Variants in ECT2 observed in about 807,000 individuals in gnomAD.
ECT2 encodes epithelial cell transforming 2, also known as protein ECT2.
A neutral mutation model predicts 116.9 loss-of-function variants in ECT2; 61 were observed. The ratio of observed to expected loss-of-function variants is 0.52; its 90% CI spans 0.42 to 0.65. The LOEUF (loss-of-function observed/expected upper bound fraction) is 0.65. ECT2 is among the 30% of genes least tolerant of loss of function. The pLI is 0.00. For synonymous variants in ECT2, 358 were observed against 346.4 expected (o/e 1.03, Z -0.37); for missense variants, 937 against 1,078.7 (o/e 0.87, Z 1.84).
At chr3:172,763,328 A>G (rs1012688607) in intron 11 of ECT2, among the ~76,000 whole-genome samples, 2 of 152,246 alleles carry the variant, frequency 1.3e-5, no homozygotes, top group African/African-American at 4.8e-5. Context: ...TCGCTCTGAG[A>G]GACTCAGGAG....
At chr3:172,816,066 C>T (rs1729661896) in intron 23 of ECT2, among the ~76,000 whole-genome samples, 1 of 152,072 alleles carries the variant, frequency 6.6e-6, no homozygotes, top group African/African-American at 2.4e-5. Flanking sequence ...ACTATCTATT[C>T]CTGACTCTAG....
chr3:172,756,961 C>A lies in ECT2; in HGVS notation c.304-22C>A, dbSNP rs780327113. The A allele has an allele frequency of 1.9e-6, 3 of 1,572,612 alleles. No individual in the cohort carries two copies. In the Admixed American group the frequency reaches 6.1e-5, roughly 32 times the overall value. ...TTTGATATATAAATAATTTTTATTTCTGCTAACTATATGATGAAAAGGACA... is the reference window on the plus strand; with the variant it reads ...TTTGATATATAAATAATTTTTATTTATGCTAACTATATGATGAAAAGGACA... On this transcript the variant is annotated intron_variant, in intron 4 of 24. Coordinates refer to ENST00000392692, the MANE Select transcript of ECT2 (RefSeq NM_001258315.2).
intron 15 of ECT2, among the ~76,000 whole-genome samples, chr3:172,783,443 G>A (rs1342779297): frequency 6.6e-6 from 1 of 151,686 alleles, no homozygotes; most frequent in African/African-American, 2.4e-5. Flanking sequence ...TTGGATTTTT[G>A]AATAAATACC....
chr3:172,762,639 GT>G (rs1462297502), intron 9 of ECT2, 51 bp from the exon 10 acceptor site: 28 of 1,580,566 alleles, frequency 1.8e-5, no homozygotes, highest in Non-Finnish European at 2.4e-5. Flanking sequence ...AAAAATTTGA[GT>G]TTGGAAATAA....
chr3:172,758,983 T>G lies in ECT2; in HGVS notation c.490T>G (p.Leu164Val). 6.2e-7 allele frequency: 1 copy of G among 1,608,752 alleles called. No individual in the cohort carries two copies. The highest frequency in any genetic ancestry group is 8.5e-7 in the Non-Finnish European group (1 of 1,178,222). Residue 164 changes from leucine (L) to valine (V), a missense_variant, in exon 6 of 25, where the codon TTG becomes GTG. Physicochemically the swap from Leu to Val is conservative, Grantham distance 32. Transcript: ENST00000392692. ...VLNCSQKGEP[L>V]PFSCRPLYCT... The stretch of plus-strand genomic sequence containing the variant: ...TTAAAATTGTTGTATCCTTCAGCCT[T>G]TGCCATTTTCATGTCGCCCGTTGTA...
At chr3:172,806,161 A>G (rs1448372959) in intron 21 of ECT2, 1 of 200,458 alleles carries the variant, frequency 5.0e-6, no homozygotes, top group African/African-American at 2.3e-5. Context: ...AGCCTAGCCT[A>G]TTGCCACACC....
downstream of ECT2, among the ~76,000 whole-genome samples, chr3:172,823,971 C>T (rs546284826): frequency 6.7e-6 from 1 of 148,344 alleles, no homozygotes; most frequent in Non-Finnish European, 1.5e-5. Context: ...ACTCTGTCTC[C>T]ACAGCTTCAT....
At chr3:172,776,300 C>T (rs759190036) in intron 14 of ECT2, among the ~76,000 whole-genome samples, 1 of 142,500 alleles carries the variant, frequency 7.0e-6, no homozygotes, top group Non-Finnish European at 1.5e-5. Context: ...GCAGGTTTGT[C>T]AAATATTTAA....
At chr3:172,784,961 G>C (rs1280855694) in intron 17 of ECT2, among the ~76,000 whole-genome samples, 158 bp downstream of exon 17, 1 of 152,016 alleles carries the variant, frequency 6.6e-6, no homozygotes, top group African/African-American at 2.4e-5. Flanking sequence ...ATAGTTACTG[G>C]TGCTACTAAA....
At chr3:172,770,059 G>T (rs1720315507) in intron 13 of ECT2, among the ~76,000 whole-genome samples, 1 of 152,270 alleles carries the variant, frequency 6.6e-6, no homozygotes, top group Non-Finnish European at 1.5e-5. Flanking sequence ...TTACTTGATG[G>T]TCATAGAGAA....
intron 1 of ECT2, among the ~76,000 whole-genome samples, chr3:172,751,918 G>A (rs1466514165): frequency 6.6e-6 from 1 of 152,068 alleles, no homozygotes; most frequent in Non-Finnish European, 1.5e-5. Flanking sequence ...TCAAGTTACC[G>A]TAGTGCATCT....
intron 18 of ECT2, among the ~76,000 whole-genome samples, chr3:172,788,095 T>A (rs1723933048): frequency 6.6e-6 from 1 of 152,200 alleles, no homozygotes; most frequent in Admixed American, 6.5e-5. Context: ...TAATGTCGAA[T>A]TGTGATGCTG....
At chr3:172,788,065 A>G (rs1228407656) in intron 18 of ECT2, among the ~76,000 whole-genome samples, 1 of 152,172 alleles carries the variant, frequency 6.6e-6, no homozygotes, top group Non-Finnish European at 1.5e-5. Flanking sequence ...ATAAATGTTA[A>G]ATTATAGGAC....
At chr3:172,755,433 A>G (rs1716777120) in intron 3 of ECT2, 50 bp from the exon 4 acceptor site, 2 of 1,535,822 alleles carry the variant, frequency 1.3e-6, no homozygotes, top group East Asian at 2.3e-5. Context: ...ATCAGTGTGT[A>G]AATAGTTTCA....
chr3:172,755,479 A>G lies in ECT2; in HGVS notation c.211-4A>G. On this transcript the variant is annotated splice_region_variant and splice_polypyrimidine_tract_variant and intron_variant, in intron 3 of 24. Transcript: ENST00000392692. ...AACCTCATACTTAAGTCTCTTTTCC[A>G]CAGACTATTAAAATAATGGAAGTCC... 2 of 1,501,164 alleles carry G rather than the reference A, an allele frequency of 1.3e-6. No homozygotes were observed. Among genetic ancestry groups the G allele is most frequent in the South Asian group, 1.3e-5 (1 of 78,826 alleles). The allele number at this position is 1,501,164 out of a possible 1,614,324, so 93.0% of individuals were successfully genotyped here.
At chr3:172,788,697 C>T in intron 18 of ECT2, among the ~76,000 whole-genome samples, 2 of 152,290 alleles carry the variant, frequency 1.3e-5, no homozygotes, top group South Asian at 4.1e-4. Flanking sequence ...TATACTATAG[C>T]CTGTGAATTG....
intron 20 of ECT2, among the ~76,000 whole-genome samples, chr3:172,805,058 TAAAC>T (rs1370620609): frequency 6.6e-6 from 1 of 152,070 alleles, no homozygotes; most frequent in East Asian, 1.9e-4. Context: ...TTAGGAAAAA[TAAAC>T]AAAACTCTTA....
intron 3 of ECT2, 39 bp downstream of exon 3, chr3:172,755,413 T>G: frequency 6.4e-7 from 1 of 1,563,622 alleles, no homozygotes. Context: ...TGTAATGCAA[T>G]TTTTCTTCCA....
chr3:172,761,762 G>C (rs1439836536), intron 8 of ECT2, 79 bp downstream of exon 8: 2 of 986,170 alleles, frequency 2.0e-6, no homozygotes, highest in African/African-American at 1.7e-5. Context: ...GCTGAAAAAA[G>C]TAATTTCATA....
Sources: gnomAD v4.1 joint callset for allele counts (sites outside exome capture counted in the v4.1 genomes callset) on GRCh38, gnomAD v4.1.1 for gene constraint, MANE v1.5 for transcripts, NCBI Gene and HGNC (gene_info 2026-07-23, HGNC 2026-07-21) for gene names.